TAS2R1: variants seen among roughly 807,000 people sequenced by gnomAD.
TAS2R1 encodes the protein taste 2 receptor member 1, also known as taste receptor type 2 member 1.
For synonymous variants in TAS2R1, 141 were observed against 134.2 expected (o/e 1.05, Z -0.35); for missense variants, 370 against 353.4 (o/e 1.05, Z -0.38).
At chr5:9,738,865 A>C in the TAS2R1 span, among the ~76,000 whole-genome samples, 12 of 152,126 alleles carry the variant, frequency 7.9e-5, no homozygotes, top group African/African-American at 1.7e-4. Context: ...TCCTGCATAC[A>C]CATATGTTAA....
In TAS2R1 at chr5:9,654,797, T is replaced by G. The variant is rs563041949; in HGVS notation, c.-81+4624A>C. Among the ~76,000 whole-genome samples, 7 of 152,294 alleles carry G rather than the reference T, an allele frequency of 4.6e-5. No homozygotes were observed. In the South Asian group the frequency reaches 1.5e-3, roughly 32 times the overall value. ...ACAGAACAATAAAAACTTCCATTCC[T>G]TACTGGTGAGACTGAAAATAATACA... On this transcript the variant is annotated intron_variant, in intron 2 of 2. Coordinates refer to the TAS2R1 transcript ENST00000506620.
chr5:9,651,794 C>T (rs1272710703), intron 2 of TAS2R1, among the ~76,000 whole-genome samples: 1 of 152,040 alleles, frequency 6.6e-6, no homozygotes, highest in Non-Finnish European at 1.5e-5. Flanking sequence ...CACTCAGTAG[C>T]GTTCTAAGCC....
chr5:9,884,186 C>A, the TAS2R1 span, among the ~76,000 whole-genome samples: 2 of 152,158 alleles, frequency 1.3e-5, no homozygotes, highest in East Asian at 3.9e-4. Context: ...AAAGTCCCCC[C>A]TTCTTAGGGC....
intron 1 of TAS2R1, among the ~76,000 whole-genome samples, chr5:9,709,336 T>A (rs1248098109): frequency 6.6e-6 from 1 of 152,156 alleles, no homozygotes; most frequent in Non-Finnish European, 1.5e-5. Context: ...TTCTTTCTAA[T>A]TGCTGCATTC....
the TAS2R1 span, among the ~76,000 whole-genome samples, chr5:9,863,264 A>ATTTT: frequency 1.6e-5 from 2 of 126,540 alleles, no homozygotes; most frequent in African/African-American, 3.1e-5. Flanking sequence ...AGACCCAAAG[A>ATTTT]TTTTTTTTTT....
chr5:9,859,844 A>C, the TAS2R1 span, among the ~76,000 whole-genome samples: 6 of 152,364 alleles, frequency 3.9e-5, no homozygotes, highest in African/African-American at 1.4e-4. Flanking sequence ...ATAACTACAA[A>C]GACAATAATT....
chr5:9,771,234 C>T, the TAS2R1 span, among the ~76,000 whole-genome samples: 1 of 151,342 alleles, frequency 6.6e-6, no homozygotes, highest in Admixed American at 6.6e-5. Flanking sequence ...CAGATCTTTG[C>T]CAGATTTTGG....
intron 1 of TAS2R1, among the ~76,000 whole-genome samples, chr5:9,684,857 T>C (rs1471905562): frequency 8.4e-6 from 1 of 118,720 alleles, no homozygotes; most frequent in South Asian, 2.7e-4. Flanking sequence ...AACTAAAAGT[T>C]AAAGGAAAAA....
the TAS2R1 span, chr5:9,854,245 CTCT>C: frequency 1.3e-5 from 2 of 151,674 alleles, no homozygotes; most frequent in African/African-American, 4.9e-5. Flanking sequence ...GTGTGTGTCT[CTCT>C]GTGCATAAAT....
Position 9,646,352 on chromosome 5 carries a change from C to T in TAS2R1, c.-81+13069G>A, listed in dbSNP as rs546667599. 5.3e-5 allele frequency among the ~76,000 whole-genome samples: 8 copies of T among 152,170 alleles called. No homozygotes were observed. In the East Asian group the frequency reaches 1.2e-3, roughly 22 times the overall value. ...ATCAGAAGTTTTATTCATTCCAAAC[C>T]GAACAGAATGTCTTTGGCATTGACT... On this transcript the variant is annotated intron_variant, in intron 2 of 2. Transcript: ENST00000506620.
the TAS2R1 span, among the ~76,000 whole-genome samples, chr5:9,851,916 C>T: frequency 6.6e-6 from 1 of 152,192 alleles, no homozygotes; most frequent in Non-Finnish European, 1.5e-5. Context: ...AAAGTCACTC[C>T]TCATTTCCAG....
At chr5:9,742,038 C>G in the TAS2R1 span, among the ~76,000 whole-genome samples, 1 of 151,934 alleles carries the variant, frequency 6.6e-6, no homozygotes, top group African/African-American at 2.4e-5. Flanking sequence ...TGGGATTACA[C>G]GCATGCACCA....
the TAS2R1 span, among the ~76,000 whole-genome samples, chr5:9,807,747 G>A: frequency 1.3e-3 from 194 of 152,210 alleles, no homozygotes; most frequent in African/African-American, 4.4e-3. Flanking sequence ...TGATACATTG[G>A]ACTTTTGGGA....
intron 1 of TAS2R1, among the ~76,000 whole-genome samples, chr5:9,683,118 C>T (rs900806264): frequency 1.3e-5 from 2 of 152,012 alleles, no homozygotes; most frequent in South Asian, 2.1e-4. Flanking sequence ...TTGAATACTA[C>T]AAAACTTGTT....
At chr5:9,768,371 C>G in the TAS2R1 span, among the ~76,000 whole-genome samples, 2 of 152,154 alleles carry the variant, frequency 1.3e-5, no homozygotes, top group Admixed American at 6.5e-5. Flanking sequence ...AGTTTTGAAT[C>G]CCATGTCATC....
chr5:9,650,515 T>A (rs1341862746), intron 2 of TAS2R1, among the ~76,000 whole-genome samples: 1 of 152,182 alleles, frequency 6.6e-6, no homozygotes, highest in Non-Finnish European at 1.5e-5. Flanking sequence ...TCTAATATTA[T>A]GTTGGGCTTT....
At chr5:9,806,707 T>C in the TAS2R1 span, among the ~76,000 whole-genome samples, 1 of 152,152 alleles carries the variant, frequency 6.6e-6, no homozygotes, top group African/African-American at 2.4e-5. Context: ...TGTAGAAGAA[T>C]GAAACTGGAT....
At chr5:9,792,467 T>C in the TAS2R1 span, among the ~76,000 whole-genome samples, 2 of 152,198 alleles carry the variant, frequency 1.3e-5, no homozygotes, top group African/African-American at 2.4e-5. Flanking sequence ...GTCTGACCTA[T>C]CTTGCACTAG....
the TAS2R1 span, among the ~76,000 whole-genome samples, chr5:9,758,673 A>G: frequency 6.6e-6 from 1 of 152,164 alleles, no homozygotes; most frequent in African/African-American, 2.4e-5. Context: ...ACAAAACACA[A>G]AATCAGGGAA....
Sources: allele counts gnomAD v4.1 joint callset (sites outside exome capture counted in the v4.1 genomes callset), GRCh38; gene constraint gnomAD v4.1.1; transcripts MANE v1.5; gene names NCBI Gene and HGNC (gene_info 2026-07-23, HGNC 2026-07-21).